Variants in XPO1 observed in about 807,000 individuals in gnomAD.
XPO1 encodes exportin-1.
A neutral mutation model predicts 133.3 loss-of-function variants in XPO1; 5 were observed. The ratio of observed to expected loss-of-function variants is 0.04; its 90% CI spans 0.02 to 0.08. The LOEUF is 0.08. Ranked by LOEUF, XPO1 falls within the 10% of genes least tolerant of loss-of-function variation. The probability of loss-of-function intolerance (pLI) is 1.00; values close to 1 mark genes in which losing one functional copy is unlikely to be tolerated. For synonymous variants in XPO1, 419 were observed against 408.2 expected (o/e 1.03, Z -0.32); for missense variants, 506 against 1,267.5 (o/e 0.40, Z 9.12).
At chr2:61,537,005 C>T (rs3771258) in intron 1 of XPO1, 96,331 of 151,882 alleles carry the variant, frequency 0.63, 30,725 homozygotes, top group Middle Eastern at 0.71. Flanking sequence ...CCCTGAAAAA[C>T]TGATCTTTCC....
intron 4 of XPO1, among the ~76,000 whole-genome samples, chr2:61,515,069 T>TAA (rs10638897): frequency 0.49 from 62,846 of 126,978 alleles, 15,595 homozygotes; most frequent in East Asian, 0.64. Context: ...GTGACTGTCT[T>TAA]AAAAAAAAAA....
intron 24 of XPO1, chr2:61,480,726 GGGT>G (rs1696306646): frequency 6.6e-6 from 1 of 151,456 alleles, no homozygotes; most frequent in South Asian, 2.1e-4. Context: ...CAACTACTTA[GGGT>G]TTCACAGTAC....
intron 3 of XPO1, among the ~76,000 whole-genome samples, chr2:61,524,133 A>T (rs113761294): frequency 0.014 from 2,058 of 152,262 alleles, 16 homozygotes; most frequent in Non-Finnish European, 0.022. Context: ...CATTTTCTTT[A>T]ATTTTATAGG....
At chr2:61,491,444 C>A (rs1356190644) in intron 16 of XPO1, among the ~76,000 whole-genome samples, 1 of 136,880 alleles carries the variant, frequency 7.3e-6, no homozygotes, top group East Asian at 2.1e-4. Context: ...GAGTGAAACT[C>A]CATCTCAAAA....
At chr2:61,504,956 A>G (rs1268919340) in intron 4 of XPO1, among the ~76,000 whole-genome samples, 2 of 152,236 alleles carry the variant, frequency 1.3e-5, no homozygotes, top group African/African-American at 2.4e-5. Flanking sequence ...GTCAATATGC[A>G]TAGTAACATT....
intron 4 of XPO1, among the ~76,000 whole-genome samples, chr2:61,514,333 C>T (rs1698248797): frequency 6.6e-6 from 1 of 152,010 alleles, no homozygotes; most frequent in Non-Finnish European, 1.5e-5. Context: ...TGGCTCATGC[C>T]TGTAATCCCA....
chr2:61,497,415 T>A (rs77995446), intron 9 of XPO1, among the ~76,000 whole-genome samples: 2,728 of 152,206 alleles, frequency 0.018, 29 homozygotes, highest in Non-Finnish European at 0.024. Flanking sequence ...TTTTGCCACG[T>A]TGGGCCAGGC....
chr2:61,513,336 G>A (rs1327801641), intron 4 of XPO1, among the ~76,000 whole-genome samples: 7 of 144,804 alleles, frequency 4.8e-5, no homozygotes. Flanking sequence ...AAACTATAAA[G>A]GTTCTATAAG....
intron 9 of XPO1, 147 bp downstream of exon 9, chr2:61,498,526 T>C (rs1355609280): frequency 1.6e-5 from 15 of 915,146 alleles, no homozygotes; most frequent in Non-Finnish European, 4.8e-6. Flanking sequence ...ATTTACTAGG[T>C]GTGAATATGG....
chr2:61,516,215 G>C (rs1484352618), intron 4 of XPO1, among the ~76,000 whole-genome samples: 6 of 150,962 alleles, frequency 4.0e-5, no homozygotes, highest in African/African-American at 1.5e-4. Flanking sequence ...TGAGGCAGGA[G>C]AATAGCTTGA....
chr2:61,479,934 A>G (rs1391850667), intron 24 of XPO1, among the ~76,000 whole-genome samples: 4 of 151,986 alleles, frequency 2.6e-5, no homozygotes, highest in African/African-American at 9.7e-5. Context: ...TTATGATCTC[A>G]GCTCACTGAA....
At chr2:61,491,204 T>C (rs1285179713) in intron 16 of XPO1, among the ~76,000 whole-genome samples, 2 of 151,774 alleles carry the variant, frequency 1.3e-5, no homozygotes, top group Non-Finnish European at 2.9e-5. Context: ...GGCTCACGCC[T>C]GTAATCCCAG....
chr2:61,535,284 T>C (rs1401978762), intron 1 of XPO1, among the ~76,000 whole-genome samples: 1 of 152,222 alleles, frequency 6.6e-6, no homozygotes, highest in Non-Finnish European at 1.5e-5. Context: ...GAGGAACCAA[T>C]AGCTCTAACC....
In XPO1 at chr2:61,538,181, G is replaced by A. The variant is rs1033933221; in HGVS notation, c.-626C>T. The A allele has an allele frequency of 5.0e-5, 11 of 221,700 alleles. 1 individual carries two copies. In the Admixed American group the frequency reaches 5.9e-4, roughly 12 times the overall value. The allele number at this position is 221,700 out of a possible 1,614,324, so 13.7% of individuals were successfully genotyped here. A position where few individuals can be genotyped will look rare whatever the true frequency, so the allele number is the denominator to read the frequency against. ...AACAGGCACCGCCGCCGGGGCTGTA[G>A]CTACTGTTGCTCTTGCTGATGCTGT... On this transcript the variant is annotated 5_prime_UTR_variant, in exon 1 of 25. Coordinates refer to ENST00000401558, the MANE Select transcript of XPO1 (RefSeq NM_003400.4).
intron 1 of XPO1, chr2:61,537,073 C>T (rs1392939330): frequency 6.6e-6 from 1 of 152,194 alleles, no homozygotes; most frequent in African/African-American, 2.4e-5. Flanking sequence ...GCTGGAGGAA[C>T]AGGGAGTCGG....
chr2:61,521,996 G>C (rs1698716781), intron 4 of XPO1, among the ~76,000 whole-genome samples: 1 of 152,074 alleles, frequency 6.6e-6, no homozygotes, highest in East Asian at 1.9e-4. Context: ...GGCCTTAAAT[G>C]ACCCTCCCAC....
chr2:61,522,152 C>A (rs1698726489), intron 4 of XPO1, among the ~76,000 whole-genome samples: 1 of 152,064 alleles, frequency 6.6e-6, no homozygotes, highest in African/African-American at 2.4e-5. Context: ...TCACTGCAGT[C>A]TCGACCTTTT....
chr2:61,478,743 T>C lies in XPO1; in HGVS notation c.*77A>G. ...ATTTTAATTTACAAATTGGCATCAT[T>C]TTGGTCGACAAATACCCACATGCTG... On this transcript the variant is annotated 3_prime_UTR_variant, in exon 25 of 25. Coordinates refer to ENST00000401558, the MANE Select transcript of XPO1 (RefSeq NM_003400.4). The C allele has an allele frequency of 6.7e-7, 1 of 1,481,704 alleles. No individual in the cohort carries two copies. Among genetic ancestry groups the C allele is most frequent in the Non-Finnish European group, 9.1e-7 (1 of 1,101,382 alleles). The allele number at this position is 1,481,704 out of a possible 1,614,324, so 91.8% of individuals were successfully genotyped here. A position where few individuals can be genotyped will look rare whatever the true frequency, so the allele number is the denominator to read the frequency against.
chr2:61,481,401 C>T lies in XPO1; in HGVS notation c.2973-120G>A, dbSNP rs574630358. On this transcript the variant is annotated intron_variant, in intron 23 of 24. Coordinates refer to ENST00000401558, the MANE Select transcript of XPO1 (RefSeq NM_003400.4). ...TCTGCTCACTGTAATCTCTGCCTCC[C>T]GGGTTCAAGACATTCTCCTGCCTCA... is the stretch of plus-strand genomic sequence containing the variant. 2.9e-4 allele frequency: 144 copies of T among 503,484 alleles called. 1 individual carries two copies. Among genetic ancestry groups the T allele is most frequent in the Admixed American group, 2.7e-3 (62 of 23,038 alleles). The allele number at this position is 503,484 out of a possible 1,614,324, so 31.2% of individuals were successfully genotyped here.
Sources: gnomAD v4.1 joint callset for allele counts (sites outside exome capture counted in the v4.1 genomes callset) on GRCh38, gnomAD v4.1.1 for gene constraint, MANE v1.5 for transcripts, NCBI Gene and HGNC (gene_info 2026-07-23, HGNC 2026-07-21) for gene names.